Variants in GALNT16 observed in about 807,000 individuals in gnomAD.
GALNT16 encodes the protein UDP-GalNAc:polypeptide N-acetylgalactosaminyltransferase-like protein 1.
In GALNT16, 40 loss-of-function variants were observed where a neutral mutation model predicts 76.1. The ratio of observed to expected loss-of-function variants is 0.53; its 90% confidence interval spans 0.41 to 0.68. The LOEUF (loss-of-function observed/expected upper bound fraction) is 0.68. GALNT16 is among the 30% of genes least tolerant of loss of function. The pLI is 0.00. For synonymous variants in GALNT16, 276 were observed against 285.2 expected, an observed-to-expected ratio of 0.97 and a Z score of 0.32; for missense variants, 621 against 731.9, an observed-to-expected ratio of 0.85 and a Z score of 1.75.
At chr14:69,372,494 T>A in the GALNT16 span, among the ~76,000 whole-genome samples, 1 of 143,078 alleles carries the variant, frequency 7.0e-6, no homozygotes, top group Non-Finnish European at 1.5e-5. Flanking sequence ...CATTAGCCTT[T>A]TTTTTTTTTT....
chr14:69,305,685 A>G (rs2044922852), intron 1 of GALNT16, among the ~76,000 whole-genome samples: 1 of 152,134 alleles, frequency 6.6e-6, no homozygotes, highest in Non-Finnish European at 1.5e-5. Context: ...AACCTCTTAT[A>G]AGAAATATGA....
chr14:69,320,301 CCTA>C (rs2045158693), intron 1 of GALNT16, among the ~76,000 whole-genome samples: 1 of 152,136 alleles, frequency 6.6e-6, no homozygotes, highest in East Asian at 1.9e-4. Flanking sequence ...TCAAGGCCAG[CCTA>C]GCCAACACCA....
chr14:69,357,261 C>T (rs960056833), downstream of GALNT16: 2 of 152,282 alleles, frequency 1.3e-5, no homozygotes, highest in African/African-American at 4.8e-5. Flanking sequence ...ATGATGCTTC[C>T]AGGACAGCTT....
At chr14:69,364,614 C>A in the GALNT16 span, among the ~76,000 whole-genome samples, 1 of 152,136 alleles carries the variant, frequency 6.6e-6, no homozygotes, top group African/African-American at 2.4e-5. The surrounding 1 kb of genome is among the most constrained non-coding windows in gnomAD (Gnocchi z 4.2). Flanking sequence ...TGTCTCAGCT[C>A]AGGATATAGG....
intron 1 of GALNT16, among the ~76,000 whole-genome samples, chr14:69,285,857 C>T (rs776846714): frequency 3.9e-5 from 6 of 152,166 alleles, no homozygotes; most frequent in Non-Finnish European, 8.8e-5. Context: ...TCTGGCTTTT[C>T]CACACTTCTG....
chr14:69,377,084 A>G, the GALNT16 span, among the ~76,000 whole-genome samples: 1 of 152,206 alleles, frequency 6.6e-6, no homozygotes, highest in South Asian at 2.1e-4. Context: ...ACACTTGATG[A>G]TGCTGGGCTG....
rs183056056 is a variant in GALNT16, at chr14:69,295,706, C to T, written c.178-25005C>T. 9.9e-5 allele frequency among the ~76,000 whole-genome samples: 15 copies of T among 152,172 alleles called. No homozygotes were observed. The South Asian group carries it at 2.1e-3, about 21-fold the overall frequency. The stretch of plus-strand genomic sequence containing the variant: ...CTGTACTCCAGCCTGGGCGACAGAG[C>T]GAGACTCCATCTCAAAAAAAATTAA... On this transcript the variant is annotated intron_variant, in intron 1 of 14. Coordinates refer to ENST00000448469, the MANE Select transcript of GALNT16 (RefSeq NM_001168368.2).
rs1230467234 is a variant in GALNT16, at chr14:69,322,931, T to G, written c.336-1761T>G. 6.3e-4 allele frequency among the ~76,000 whole-genome samples: 28 copies of G among 44,204 alleles called. No individual in the cohort carries two copies. In the South Asian group the frequency reaches 0.02, roughly 31 times the overall value. The allele number at this position is 44,204 out of a possible 152,430, so 29.0% of individuals were successfully genotyped here. A position where few individuals can be genotyped will look rare whatever the true frequency, so the allele number is the denominator to read the frequency against. On this transcript the variant is annotated intron_variant, in intron 2 of 14. Coordinates refer to ENST00000448469, the MANE Select transcript of GALNT16 (RefSeq NM_001168368.2). ...AAGCTGAGGTGGCTCACGGGGTGTG[T>G]GTGTGTGTGTGTGTGTGTGTGTGTG...
intron 1 of GALNT16, among the ~76,000 whole-genome samples, chr14:69,316,013 A>G (rs2045094609): frequency 6.6e-6 from 1 of 152,192 alleles, no homozygotes; most frequent in African/African-American, 2.4e-5. Flanking sequence ...GGCCCAGATC[A>G]AATCAAATGA....
intron 5 of GALNT16, among the ~76,000 whole-genome samples, chr14:69,327,791 G>T (rs903784946): frequency 1.3e-5 from 2 of 152,188 alleles, no homozygotes; most frequent in Admixed American, 6.5e-5. Context: ...GCAGGTCTCC[G>T]CCCAGAGCAG....
intron 12 of GALNT16, among the ~76,000 whole-genome samples, chr14:69,342,506 G>T (rs1214990915): frequency 1.3e-5 from 1 of 79,024 alleles, no homozygotes; most frequent in East Asian, 3.9e-4. Flanking sequence ...GGGAGGGAGG[G>T]AGGAAGGAAG....
At chr14:69,320,666 G>A in intron 1 of GALNT16, 45 bp from the exon 2 acceptor site, 1 of 1,580,830 alleles carries the variant, frequency 6.3e-7, no homozygotes, top group Non-Finnish European at 8.6e-7. Flanking sequence ...CAAGCAGTGG[G>A]GTCCTCCTGC....
upstream of GALNT16, chr14:69,260,076 C>G: frequency 2.0e-6 from 1 of 504,194 alleles, no homozygotes; most frequent in Admixed American, 3.6e-5. Flanking sequence ...GACGCGCGCG[C>G]TCGGGGCTGA....
downstream of GALNT16, among the ~76,000 whole-genome samples, chr14:69,360,684 AAAAAG>A (rs963940216): frequency 4.6e-5 from 7 of 152,210 alleles, no homozygotes; most frequent in South Asian, 2.1e-4. Flanking sequence ...AAAGGAAAGA[AAAAAG>A]AAAAGAAAAG....
intron 1 of GALNT16, among the ~76,000 whole-genome samples, chr14:69,291,456 T>C (rs1304315897): frequency 6.6e-6 from 1 of 152,190 alleles, no homozygotes; most frequent in Non-Finnish European, 1.5e-5. Context: ...CAGCTATTCA[T>C]ACAGCTGACT....
At chr14:69,383,948 G>T in the GALNT16 span, among the ~76,000 whole-genome samples, 2 of 152,116 alleles carry the variant, frequency 1.3e-5, no homozygotes, top group African/African-American at 2.4e-5. Flanking sequence ...AGGAGTTTGA[G>T]ACCAGCCTGG....
At chr14:69,271,113 G>A (rs995287501) in intron 1 of GALNT16, among the ~76,000 whole-genome samples, 1 of 152,170 alleles carries the variant, frequency 6.6e-6, no homozygotes, top group African/African-American at 2.4e-5. Context: ...AACATGGCAA[G>A]GGCCTTCTCC....
intron 4 of GALNT16, 140 bp from the exon 5 acceptor site, chr14:69,325,822 T>G (rs866419814): frequency 7.2e-6 from 5 of 694,290 alleles, no homozygotes; most frequent in Middle Eastern, 5.1e-4. Flanking sequence ...CTTCGGCCAG[T>G]AGTGATGACC....
intron 1 of GALNT16, among the ~76,000 whole-genome samples, chr14:69,313,848 A>T (rs2045062869): frequency 7.2e-6 from 1 of 139,440 alleles, no homozygotes; most frequent in African/African-American, 2.5e-5. Context: ...TTCCTGGTCA[A>T]TACAAATATA....
Sources: allele counts gnomAD v4.1 joint callset (sites outside exome capture counted in the v4.1 genomes callset), GRCh38; gene constraint gnomAD v4.1.1; non-coding constraint Gnocchi (gnomAD v3.1); transcripts MANE v1.5; gene names NCBI Gene and HGNC (gene_info 2026-07-23, HGNC 2026-07-21).